The following PDS5B variants were observed in gnomAD, a reference collection of about 807,000 sequenced individuals.
PDS5B encodes sister chromatid cohesion protein PDS5 homolog B.
Under a neutral mutation model 184.1 loss-of-function variants are expected in PDS5B, and 51 were observed. The ratio of observed to expected loss-of-function variants is 0.28; its 90% CI spans 0.22 to 0.35. The LOEUF (loss-of-function observed/expected upper bound fraction) is 0.35, where lower values mean the gene tolerates loss of function less well. Ranked by LOEUF, PDS5B falls within the 10% of genes least tolerant of loss-of-function variation. PDS5B has a pLI of 1.00. For missense variants in PDS5B, 1,180 were observed against 1,723.3 expected, an observed-to-expected ratio of 0.68 and a Z score of 5.58; for synonymous variants, 566 against 569.2, an observed-to-expected ratio of 0.99 and a Z score of 0.08.
intron 19 of PDS5B, among the ~76,000 whole-genome samples, chr13:32,727,055 A>G (rs1213589710): frequency 2.6e-5 from 4 of 152,164 alleles, no homozygotes. Context: ...TGCTTAGAGC[A>G]TTTACACTTA....
chr13:32,640,932 C>T (rs2058651483), intron 1 of PDS5B, among the ~76,000 whole-genome samples: 1 of 151,806 alleles, frequency 6.6e-6, no homozygotes. Flanking sequence ...TGGCGAGCTC[C>T]TGTAGTCCCA....
chr13:32,721,717 C>T (rs1349387870), intron 19 of PDS5B, among the ~76,000 whole-genome samples: 10 of 150,038 alleles, frequency 6.7e-5, no homozygotes, highest in Non-Finnish European at 1.5e-4. Flanking sequence ...AATTCTTAGA[C>T]AGGATGACGG....
intron 6 of PDS5B, among the ~76,000 whole-genome samples, chr13:32,664,189 A>G (rs1306543885): frequency 1.3e-5 from 2 of 152,182 alleles, no homozygotes; most frequent in East Asian, 1.9e-4. Flanking sequence ...TAGGTGTGTT[A>G]TATTAGTGGA....
intron 23 of PDS5B, among the ~76,000 whole-genome samples, chr13:32,745,166 AG>A (rs10712936): frequency 1 from 152,342 of 152,342 alleles, 76,171 homozygotes; most frequent in Non-Finnish European, 1. Flanking sequence ...ATTCTAGCTA[AG>A]GAATAGTAAT....
intron 30 of PDS5B, among the ~76,000 whole-genome samples, chr13:32,762,161 GA>G (rs1196269628): frequency 2.0e-5 from 3 of 152,084 alleles, no homozygotes; most frequent in African/African-American, 7.2e-5. Flanking sequence ...GATTCTTTGA[GA>G]AAAACAAAAG....
intron 6 of PDS5B, among the ~76,000 whole-genome samples, chr13:32,661,991 A>G (rs1436878585): frequency 6.6e-6 from 1 of 152,324 alleles, no homozygotes; most frequent in East Asian, 1.9e-4. Flanking sequence ...TTATAATAAA[A>G]GGAAGAGTTA....
chr13:32,651,088 G>T (rs550443281), intron 2 of PDS5B, among the ~76,000 whole-genome samples: 1 of 152,244 alleles, frequency 6.6e-6, no homozygotes, highest in South Asian at 2.1e-4. Flanking sequence ...GCTCTTCTGA[G>T]AATTCATGGT....
At chr13:32,628,864 A>AT (rs34723691) in intron 1 of PDS5B, among the ~76,000 whole-genome samples, 2 of 151,456 alleles carry the variant, frequency 1.3e-5, no homozygotes, top group African/African-American at 4.9e-5. Flanking sequence ...TCGATGTCAG[A>AT]TTTTTTTTTC....
Position 32,732,181 on chromosome 13 carries a change from C to G in PDS5B, c.2204C>G (p.Ala735Gly). The G allele has an allele frequency of 6.2e-7, 1 of 1,607,840 alleles. No homozygotes were observed. The highest frequency in any genetic ancestry group is 8.5e-7 in the Non-Finnish European group (1 of 1,175,908). ...AAATATGCCATTCATTGTATCCATG[C>G]GATATTTTCTAGTAAAGAGACCCAG... ...QAKYAIHCIH[A>G]IFSSKETQFA... Residue 735 changes from alanine (A) to glycine (G), a missense_variant, in exon 20 of 35, where the codon GCG becomes GGG. This residue lies in a region of PDS5B where 475 missense variants were observed against 691.5 expected (regional missense o/e 0.69). Transcript: ENST00000315596.
At chr13:32,627,361 G>A (rs2058385491) in intron 1 of PDS5B, among the ~76,000 whole-genome samples, 1 of 152,186 alleles carries the variant, frequency 6.6e-6, no homozygotes, top group South Asian at 2.1e-4. Context: ...ATTAGCTATA[G>A]ATATTTGTAC....
chr13:32,699,828 G>C lies in PDS5B; in HGVS notation c.1699G>C (p.Val567Leu). The change falls in exon 16 of 35, where the codon GTT becomes CTT. Residue 567 changes from valine (V) to leucine (L), a missense_variant. Val to Leu is a conservative substitution (Grantham distance 32). Transcript: ENST00000315596. Reference protein sequence around the residue: ...EKIRKQLEVLVSPTCSCKQAE... With the variant: ...EKIRKQLEVLLSPTCSCKQAE... ...AATAAGAAAGCAGTTAGAAGTACTT[G>C]TTAGTCCAACATGCTCCTGCAAGCA... The C allele has an allele frequency of 6.3e-7, 1 of 1,579,566 alleles. No homozygotes were observed. The highest frequency in any genetic ancestry group is 8.6e-7 in the Non-Finnish European group (1 of 1,166,306).
chr13:32,724,196 G>A (rs1160412857), intron 19 of PDS5B, among the ~76,000 whole-genome samples: 5 of 151,780 alleles, frequency 3.3e-5, no homozygotes, highest in East Asian at 3.9e-4. Context: ...AGCTCACTGC[G>A]GCCTTGAACT....
chr13:32,711,233 G>GC (rs1410502082), intron 19 of PDS5B, among the ~76,000 whole-genome samples: 1 of 151,992 alleles, frequency 6.6e-6, no homozygotes, highest in Non-Finnish European at 1.5e-5. Flanking sequence ...GATATCACCT[G>GC]CCCGCCTCAG....
chr13:32,746,449 T>C (rs1295349436), intron 24 of PDS5B, among the ~76,000 whole-genome samples: 2 of 152,228 alleles, frequency 1.3e-5, no homozygotes, highest in Non-Finnish European at 2.9e-5. Flanking sequence ...AGCCTTGTTT[T>C]ATGTATGTTT....
In PDS5B at chr13:32,742,607, T is replaced by C; in HGVS notation, c.2492T>C (p.Met831Thr). ...ETMVKIQAIK[M>T]MVRWLLGMKN... ...CTTAAATAGATTCAGGCTATTAAAA[T>C]GATGGTTCGATGGCTACTTGGAATG... is the stretch of plus-strand genomic sequence containing the variant. Residue 831 changes from methionine (M) to threonine (T), a missense_variant, in exon 23 of 35, where the codon ATG becomes ACG. Coordinates refer to ENST00000315596, the MANE Select transcript of PDS5B (RefSeq NM_015032.4). 1 of 1,611,902 alleles carries C rather than the reference T, an allele frequency of 6.2e-7. No individual in the cohort carries two copies. The highest frequency in any genetic ancestry group is 8.5e-7 in the Non-Finnish European group (1 of 1,178,464).
At chr13:32,705,908 C>G (rs1431559415) in intron 17 of PDS5B, among the ~76,000 whole-genome samples, 1 of 152,008 alleles carries the variant, frequency 6.6e-6, no homozygotes, top group Non-Finnish European at 1.5e-5. Context: ...CTCAAGTGAC[C>G]CTCCTTTTTC....
At chr13:32,721,327 C>T (rs536878790) in intron 19 of PDS5B, among the ~76,000 whole-genome samples, 10 of 150,086 alleles carry the variant, frequency 6.7e-5, no homozygotes, top group East Asian at 2.0e-4. Context: ...ACCTCCCAGA[C>T]GGGGCGGCTG....
intron 17 of PDS5B, among the ~76,000 whole-genome samples, chr13:32,703,709 A>C (rs966238955): frequency 6.6e-6 from 1 of 152,186 alleles, no homozygotes; most frequent in African/African-American, 2.4e-5. Context: ...CCCCTATAGT[A>C]GTCAGTGAAT....
rs538291023 is a variant in PDS5B, at chr13:32,607,947, G to A, written c.-20+21354G>A. ...AGGGTGGGAGCGTCCTGATTTTCCA[G>A]GTACTGTCTGTCATGGCTTCCCTTG... On this transcript the variant is annotated intron_variant, in intron 1 of 34. Coordinates refer to ENST00000315596, the MANE Select transcript of PDS5B (RefSeq NM_015032.4). Among the ~76,000 whole-genome samples the A allele has an allele frequency of 3.9e-5, 6 of 152,284 alleles. No individual in the cohort carries two copies. In the South Asian group the frequency reaches 1.2e-3, roughly 32 times the overall value.
Sources: allele counts gnomAD v4.1 joint callset (sites outside exome capture counted in the v4.1 genomes callset), GRCh38; gene constraint gnomAD v4.1.1; regional missense constraint gnomAD v4.1.1; transcripts MANE v1.5; gene names NCBI Gene and HGNC (gene_info 2026-07-23, HGNC 2026-07-21).